Variants in FAM135B observed in about 807,000 individuals in gnomAD.
FAM135B encodes the protein family with sequence similarity 135 member B, also known as protein FAM135B.
FAM135B carries 43 observed loss-of-function variants against 127.7 expected under a neutral mutation model. The observed-to-expected ratio is 0.34, with a 90% CI of 0.26 to 0.43. The LOEUF (loss-of-function observed/expected upper bound fraction) is 0.43, where lower values mean the gene tolerates loss of function less well. FAM135B is among the 20% of genes least tolerant of loss of function. The pLI, the probability that FAM135B is intolerant of heterozygous loss-of-function variation, is 1.00. For missense variants in FAM135B, 1,558 were observed against 1,725.6 expected (o/e 0.90, Z 1.72); for synonymous variants, 670 against 665.1 (o/e 1.01, Z -0.11).
At chr8:138,461,067 G>C (rs1452511214) in intron 1 of FAM135B, among the ~76,000 whole-genome samples, 1 of 152,172 alleles carries the variant, frequency 6.6e-6, no homozygotes, top group Non-Finnish European at 1.5e-5. Context: ...TTAAAAAACA[G>C]GGAGTTAATC....
At chr8:138,473,789 T>C (rs1052828318) in intron 1 of FAM135B, among the ~76,000 whole-genome samples, 1 of 152,114 alleles carries the variant, frequency 6.6e-6, no homozygotes, top group Non-Finnish European at 1.5e-5. Flanking sequence ...TCGTGACTTA[T>C]TGATAGTCAT....
intron 7 of FAM135B, among the ~76,000 whole-genome samples, chr8:138,238,237 C>A (rs956404081): frequency 4.6e-5 from 7 of 152,176 alleles, no homozygotes; most frequent in African/African-American, 1.7e-4. Flanking sequence ...ATAATATCAG[C>A]AGGAGGTTTT....
chr8:138,159,010 C>T (rs956317342), intron 12 of FAM135B, among the ~76,000 whole-genome samples: 22 of 151,708 alleles, frequency 1.5e-4, no homozygotes, highest in Admixed American at 2.0e-4. Context: ...TGGTGGCTCA[C>T]GCCTGTAATC....
intron 6 of FAM135B, among the ~76,000 whole-genome samples, chr8:138,248,343 T>A (rs150334824): frequency 3.3e-5 from 5 of 152,308 alleles, no homozygotes; most frequent in African/African-American, 1.2e-4. Flanking sequence ...TGCCACACTC[T>A]GAGACTTTAA....
intron 3 of FAM135B, among the ~76,000 whole-genome samples, chr8:138,304,260 G>C (rs1475818431): frequency 2.0e-5 from 3 of 152,214 alleles, no homozygotes; most frequent in Non-Finnish European, 4.4e-5. Context: ...GTTGGGGTGA[G>C]GATGGGGGAT....
intron 1 of FAM135B, among the ~76,000 whole-genome samples, chr8:138,430,299 A>G (rs754215260): frequency 6.6e-6 from 1 of 152,212 alleles, no homozygotes; most frequent in Non-Finnish European, 1.5e-5. Flanking sequence ...GATGCTTGGT[A>G]TATGCTTCTT....
chr8:138,169,510 A>T (rs933780244), intron 11 of FAM135B, among the ~76,000 whole-genome samples: 13 of 148,656 alleles, frequency 8.7e-5, no homozygotes, highest in African/African-American at 2.8e-4. Context: ...TCTTCTCGGA[A>T]TATTTAACTC....
chr8:138,179,789 GCTCCAGCAATC>G (rs1345444339), intron 9 of FAM135B, among the ~76,000 whole-genome samples: 1 of 152,074 alleles, frequency 6.6e-6, no homozygotes, highest in Non-Finnish European at 1.5e-5. Flanking sequence ...GAATTCCTGG[GCTCCAGCAATC>G]CTCCAATCTC....
rs976246068 is a variant in FAM135B at position 138,132,020 on chromosome 8, G to C, written c.*573C>G. On this transcript the variant is annotated 3_prime_UTR_variant, in exon 20 of 20. Coordinates refer to ENST00000395297, the MANE Select transcript of FAM135B (RefSeq NM_015912.4). This position sits in a 1 kb window ranked among gnomAD's most constrained non-coding sequence, Gnocchi z 4.5. The stretch of plus-strand genomic sequence containing the variant: ...CTCACTGCTGTTATGAAATAGAACT[G>C]GGATTTGTAACACATTCCTTGCTCC... The C allele has an allele frequency of 2.6e-5, 4 of 153,878 alleles. No individual in the cohort carries two copies. The highest frequency in any genetic ancestry group is 9.7e-5 in the African/African-American group (4 of 41,450). 9.5% of individuals were successfully genotyped at this position (153,878 alleles called of 1,614,324 possible).
intron 12 of FAM135B, among the ~76,000 whole-genome samples, chr8:138,165,549 A>G (rs1165332552): frequency 6.6e-6 from 1 of 152,244 alleles, no homozygotes; most frequent in Non-Finnish European, 1.5e-5. Context: ...GACAATCTGC[A>G]ACAAAACCTA....
chr8:138,373,491 C>T (rs1831272832), intron 1 of FAM135B, among the ~76,000 whole-genome samples: 1 of 150,960 alleles, frequency 6.6e-6, no homozygotes, highest in Non-Finnish European at 1.5e-5. Flanking sequence ...GTTAACTGCA[C>T]AAATTGTAGA....
At chr8:138,299,580 C>T (rs1164681637) in intron 3 of FAM135B, among the ~76,000 whole-genome samples, 2 of 119,920 alleles carry the variant, frequency 1.7e-5, no homozygotes, top group Non-Finnish European at 1.9e-5. Flanking sequence ...CATACACATA[C>T]ACACATACAC....
intron 1 of FAM135B, 121 bp from the exon 2 acceptor site, chr8:138,368,123 GA>G (rs1438327731): frequency 6.2e-5 from 41 of 665,894 alleles, no homozygotes; most frequent in Non-Finnish European, 8.5e-5. Flanking sequence ...TGTGTCCACT[GA>G]ACGTCACCAC....
At chr8:138,383,426 G>A (rs1326956338) in intron 1 of FAM135B, among the ~76,000 whole-genome samples, 1 of 152,242 alleles carries the variant, frequency 6.6e-6, no homozygotes, top group Non-Finnish European at 1.5e-5. Context: ...AAAGGGAATA[G>A]ATGCATGATA....
intron 2 of FAM135B, among the ~76,000 whole-genome samples, chr8:138,363,194 C>T (rs968092685): frequency 4.6e-5 from 7 of 152,090 alleles, no homozygotes; most frequent in African/African-American, 1.7e-4. Flanking sequence ...GGTAGTAACT[C>T]CATTAATAGT....
At chr8:138,347,604 C>T (rs1251747545) in intron 2 of FAM135B, among the ~76,000 whole-genome samples, 1 of 152,168 alleles carries the variant, frequency 6.6e-6, no homozygotes, top group Non-Finnish European at 1.5e-5. Flanking sequence ...CTCATAACCC[C>T]TTGAGATTTT....
intron 13 of FAM135B, among the ~76,000 whole-genome samples, chr8:138,150,666 C>CAATAAATAAATA (rs71316324): frequency 1.6e-4 from 7 of 44,776 alleles, no homozygotes; most frequent in African/African-American, 3.1e-4. Flanking sequence ...GACTCTGTCT[C>CAATAAATAAATA]AATAAATAAA....
At chr8:138,324,787 TGTGA>T (rs1303486361) in intron 2 of FAM135B, among the ~76,000 whole-genome samples, 4 of 152,192 alleles carry the variant, frequency 2.6e-5, no homozygotes, top group African/African-American at 9.6e-5. Context: ...AAATCTGATT[TGTGA>T]GTGTGTGCTC....
chr8:138,174,800 ACT>A (rs768759974), intron 11 of FAM135B, among the ~76,000 whole-genome samples: 19 of 151,814 alleles, frequency 1.3e-4, no homozygotes, highest in Admixed American at 2.0e-4. Flanking sequence ...ATGAACTAGG[ACT>A]CTCTGTTCCT....
Sources: gnomAD v4.1 joint callset for allele counts (sites outside exome capture counted in the v4.1 genomes callset) on GRCh38, gnomAD v4.1.1 for gene constraint, Gnocchi (gnomAD v3.1) non-coding constraint, MANE v1.5 for transcripts, NCBI Gene and HGNC (gene_info 2026-07-23, HGNC 2026-07-21) for gene names.